The following GUCY1A2 variants were observed in gnomAD, a reference collection of about 807,000 sequenced individuals.
GUCY1A2 encodes the protein guanylate cyclase soluble subunit alpha-2.
In GUCY1A2, 27 loss-of-function variants were observed where a neutral mutation model predicts 63.5. That is an observed-to-expected ratio of 0.43 (90% CI 0.31 to 0.59). The LOEUF (loss-of-function observed/expected upper bound fraction) is 0.59. Ranked by LOEUF, GUCY1A2 falls within the 20% of genes least tolerant of loss-of-function variation. The probability of loss-of-function intolerance (pLI) is 0.11; values close to 1 mark genes in which losing one functional copy is unlikely to be tolerated. For missense variants in GUCY1A2, 768 were observed against 913.3 expected (o/e 0.84, Z 2.05); for synonymous variants, 364 against 343.5 (o/e 1.06, Z -0.66).
intron 4 of GUCY1A2, among the ~76,000 whole-genome samples, chr11:106,850,733 A>G (rs1859342242): frequency 6.6e-6 from 1 of 151,822 alleles, no homozygotes; most frequent in African/African-American, 2.4e-5. Flanking sequence ...TTCTTTAACC[A>G]TTCATCCATT....
chr11:107,018,046 T>C lies in GUCY1A2; in HGVS notation c.10A>G (p.Arg4Gly), dbSNP rs774207098. 1.1e-5 allele frequency: 16 copies of C among 1,463,006 alleles called. No individual in the cohort carries two copies. The East Asian group carries it at 3.9e-4, about 35-fold the overall frequency. The allele number at this position is 1,463,006 out of a possible 1,614,324, so 90.6% of individuals were successfully genotyped here. A position where few individuals can be genotyped will look rare whatever the true frequency, so the allele number is the denominator to read the frequency against. MSR[R>G]KISSESFSSL... ...CTGAAGGACTCGGACGAAATCTTCCTTCGAGACATGCTGCCGGCGGAGCTG... is the reference window on the plus strand; with the variant it reads ...CTGAAGGACTCGGACGAAATCTTCCCTCGAGACATGCTGCCGGCGGAGCTG... The change falls in exon 1 of 8, where the codon AGG (arginine) becomes GGG (glycine). Residue 4 changes from arginine (R) to glycine (G), a missense_variant. By Grantham distance (125) the Arg-to-Gly change is moderately radical. Transcript: ENST00000526355.
intron 3 of GUCY1A2, among the ~76,000 whole-genome samples, chr11:106,940,488 A>T (rs1860738531): frequency 6.6e-6 from 1 of 152,110 alleles, no homozygotes. Context: ...GTTATTTCCC[A>T]TATCTCTCTG....
chr11:106,973,729 A>T (rs948109467), intron 3 of GUCY1A2, among the ~76,000 whole-genome samples: 3 of 152,122 alleles, frequency 2.0e-5, no homozygotes, highest in Non-Finnish European at 2.9e-5. Context: ...CTCTGACCAA[A>T]GATATCAACA....
chr11:106,917,589 T>A (rs2119888078), intron 4 of GUCY1A2, among the ~76,000 whole-genome samples: 1 of 144,586 alleles, frequency 6.9e-6, no homozygotes, highest in Admixed American at 6.9e-5. Flanking sequence ...GTGGCACATA[T>A]ACACCATGGA....
chr11:106,920,857 T>C (rs1248229273), intron 4 of GUCY1A2, among the ~76,000 whole-genome samples: 7 of 152,114 alleles, frequency 4.6e-5, no homozygotes, highest in Admixed American at 3.3e-4. Flanking sequence ...ACTGTCCTTA[T>C]AATAATTACT....
chr11:106,694,518 G>A (rs180986520), intron 7 of GUCY1A2, among the ~76,000 whole-genome samples: 77 of 152,238 alleles, frequency 5.1e-4, no homozygotes, highest in African/African-American at 1.6e-3. Context: ...AGTAGATTCC[G>A]TTTCCCTTGG....
Position 106,980,425 on chromosome 11 carries a change from T to A in GUCY1A2, c.366-1685A>T, listed in dbSNP as rs573085356. Among the ~76,000 whole-genome samples, 4 of 152,258 alleles carry A rather than the reference T, an allele frequency of 2.6e-5. No homozygotes were observed. In the East Asian group the frequency reaches 7.7e-4, roughly 29 times the overall value. On this transcript the variant is annotated intron_variant, in intron 2 of 7. Coordinates refer to ENST00000526355, the MANE Select transcript of GUCY1A2 (RefSeq NM_000855.3). ...GAGGACTGCTACAACCCCAATGAAATTTTCCATTTTCCATTTCATTCATGC... is the reference window on the plus strand; with the variant it reads ...GAGGACTGCTACAACCCCAATGAAAATTTCCATTTTCCATTTCATTCATGC...
chr11:106,943,984 T>C (rs1342586500), intron 3 of GUCY1A2, among the ~76,000 whole-genome samples: 1 of 151,754 alleles, frequency 6.6e-6, no homozygotes, highest in Non-Finnish European at 1.5e-5. Flanking sequence ...AGCAGGCTGA[T>C]TGCTTGAGTC....
At chr11:106,747,278 G>A (rs1420057770) in intron 6 of GUCY1A2, among the ~76,000 whole-genome samples, 4 of 149,042 alleles carry the variant, frequency 2.7e-5, no homozygotes, top group Non-Finnish European at 4.5e-5. Flanking sequence ...GTAAGCCACC[G>A]CGCCCGGCCC....
chr11:106,973,622 G>A (rs144893524), intron 3 of GUCY1A2, among the ~76,000 whole-genome samples: 1 of 152,210 alleles, frequency 6.6e-6, no homozygotes, highest in East Asian at 1.9e-4. Context: ...TGATGACACA[G>A]TCAACAACTC....
chr11:107,005,954 C>T (rs1327620243), intron 1 of GUCY1A2, among the ~76,000 whole-genome samples: 1 of 152,176 alleles, frequency 6.6e-6, no homozygotes, highest in South Asian at 2.1e-4. Flanking sequence ...TTGAAAGTAT[C>T]AGGATAACTG....
Position 106,776,445 on chromosome 11 carries a change from C to G in GUCY1A2, c.1830G>C (p.Pro610=), listed in dbSNP as rs755005315. 2 of 1,612,330 alleles carry G rather than the reference C, an allele frequency of 1.2e-6. No homozygotes were observed. Among genetic ancestry groups the G allele is most frequent in the Admixed American group, 1.7e-5 (1 of 59,960 alleles). Residue 610 remains proline, a synonymous_variant, in exon 6 of 8, where the codon CCG becomes CCC. Coordinates refer to ENST00000526355, the MANE Select transcript of GUCY1A2 (RefSeq NM_000855.3). ...AGATTGTTGGGAGGGTTACCTGAAT[C>G]GGTCTTCCATCAGGTGTCAGCACCT... is the stretch of plus-strand genomic sequence containing the variant. ...SEEVLTPDGR[P]IQMRIGIHSG...
At chr11:106,995,645 A>G (rs72996337) in intron 1 of GUCY1A2, among the ~76,000 whole-genome samples, 18,796 of 152,260 alleles carry the variant, frequency 0.12, 1,556 homozygotes, top group Middle Eastern at 0.17. Context: ...ACTATAAAGT[A>G]TTACACAAAT....
intron 4 of GUCY1A2, among the ~76,000 whole-genome samples, chr11:106,861,163 G>A (rs1389365291): frequency 6.6e-6 from 1 of 151,872 alleles, no homozygotes; most frequent in Non-Finnish European, 1.5e-5. Context: ...GTTTCACACT[G>A]CAAAGATGTC....
chr11:106,914,099 T>C (rs1474809888), intron 4 of GUCY1A2, among the ~76,000 whole-genome samples: 1 of 149,680 alleles, frequency 6.7e-6, no homozygotes, highest in Non-Finnish European at 1.5e-5. Context: ...GAAAGCAAAA[T>C]CTATTTGTAG....
intron 3 of GUCY1A2, among the ~76,000 whole-genome samples, chr11:106,947,253 C>G (rs1316312530): frequency 6.7e-6 from 1 of 150,344 alleles, no homozygotes; most frequent in Non-Finnish European, 1.5e-5. Flanking sequence ...GAAATCTATA[C>G]AACTATAATT....
At chr11:106,998,797 TAAAA>T (rs5794514) in intron 1 of GUCY1A2, among the ~76,000 whole-genome samples, 1 of 149,774 alleles carries the variant, frequency 6.7e-6, no homozygotes, top group African/African-American at 2.4e-5. Flanking sequence ...AATAGTTCAT[TAAAA>T]AAAAAACAGT....
intron 1 of GUCY1A2, among the ~76,000 whole-genome samples, chr11:106,990,259 A>T (rs1057090563): frequency 1.3e-5 from 2 of 152,216 alleles, no homozygotes; most frequent in African/African-American, 4.8e-5. Flanking sequence ...GGTACCCAAA[A>T]GCCTCCATCA....
intron 5 of GUCY1A2, among the ~76,000 whole-genome samples, chr11:106,780,996 G>C (rs901110594): frequency 4.0e-5 from 6 of 151,072 alleles, no homozygotes; most frequent in Non-Finnish European, 8.8e-5. Flanking sequence ...TAATTAGTGG[G>C]TTTTGCTTCA....
Sources: allele counts gnomAD v4.1 joint callset (sites outside exome capture counted in the v4.1 genomes callset), GRCh38; gene constraint gnomAD v4.1.1; transcripts MANE v1.5; gene names NCBI Gene and HGNC (gene_info 2026-07-23, HGNC 2026-07-21).